The following SLC11A2 variants were observed in gnomAD, a reference collection of about 807,000 sequenced individuals.
SLC11A2 encodes the protein solute carrier family 11 member 2, also known as natural resistance-associated macrophage protein 2.
A neutral mutation model predicts 68.0 loss-of-function variants in SLC11A2; 38 were observed. The ratio of observed to expected loss-of-function variants is 0.56; its 90% CI spans 0.43 to 0.73. The LOEUF (loss-of-function observed/expected upper bound fraction) is 0.73. Among genes scored for constraint, SLC11A2 ranks in the 30% least tolerant of loss-of-function variants. SLC11A2 has a pLI of 0.00. For synonymous variants in SLC11A2, 242 were observed against 250.6 expected (o/e 0.97, Z 0.32); for missense variants, 517 against 690.5 (o/e 0.75, Z 2.82).
chr12:51,013,726 G>A (rs1460954085), intron 1 of SLC11A2, among the ~76,000 whole-genome samples: 1 of 151,854 alleles, frequency 6.6e-6, no homozygotes, highest in Non-Finnish European at 1.5e-5. Context: ...GTGACACAGC[G>A]AGGCCTTGTC....
chr12:51,011,255 A>G (rs11169670), intron 1 of SLC11A2, among the ~76,000 whole-genome samples: 22,313 of 151,362 alleles, frequency 0.15, 1,857 homozygotes, highest in South Asian at 0.26. Flanking sequence ...CAGCCTCCCG[A>G]GTAGCTGGGA....
At chr12:51,024,830 C>G (rs1199049553) in intron 1 of SLC11A2, 1 of 152,134 alleles carries the variant, frequency 6.6e-6, no homozygotes, top group African/African-American at 2.4e-5. Context: ...CATTCCTTAA[C>G]AAGAAGTGCT....
At chr12:50,966,005 A>G in the SLC11A2 span, among the ~76,000 whole-genome samples, 31 of 152,312 alleles carry the variant, frequency 2.0e-4, no homozygotes, top group African/African-American at 6.3e-4. Flanking sequence ...GCTTCTGCCC[A>G]TAAGTTTCAG....
intron 1 of SLC11A2, among the ~76,000 whole-genome samples, chr12:51,020,170 A>G (rs1438858195): frequency 6.6e-6 from 1 of 151,340 alleles, no homozygotes; most frequent in Non-Finnish European, 1.5e-5. Context: ...CTCCCACCTC[A>G]GCCTCCCAAG....
At chr12:51,015,925 C>T (rs1204369173) in intron 1 of SLC11A2, among the ~76,000 whole-genome samples, 1 of 152,170 alleles carries the variant, frequency 6.6e-6, no homozygotes, top group Non-Finnish European at 1.5e-5. Flanking sequence ...GCTGGGATTA[C>T]AGGCGCATGC....
chr12:50,998,879 T>C (rs918023586), intron 8 of SLC11A2, among the ~76,000 whole-genome samples: 2 of 152,138 alleles, frequency 1.3e-5, no homozygotes, highest in Non-Finnish European at 2.9e-5. Context: ...ATTAACACTA[T>C]CCATGGCTGT....
At chr12:50,968,403 G>C in the SLC11A2 span, among the ~76,000 whole-genome samples, 1 of 151,878 alleles carries the variant, frequency 6.6e-6, no homozygotes, top group Admixed American at 6.6e-5. Flanking sequence ...GTGTGTGTGG[G>C]GGGAGACAGG....
At chr12:50,969,003 T>C in the SLC11A2 span, among the ~76,000 whole-genome samples, 30 of 151,992 alleles carry the variant, frequency 2.0e-4, no homozygotes, top group Admixed American at 2.0e-3. Context: ...TATAAATAAA[T>C]GCACAGTTTA....
downstream of SLC11A2, among the ~76,000 whole-genome samples, chr12:50,982,368 G>C (rs1257651184): frequency 1.3e-5 from 2 of 152,208 alleles, no homozygotes; most frequent in East Asian, 3.9e-4. Flanking sequence ...GCTCACGCCT[G>C]TAAACCCAGC....
At chr12:51,020,867 G>T (rs937974263) in intron 1 of SLC11A2, among the ~76,000 whole-genome samples, 3 of 152,158 alleles carry the variant, frequency 2.0e-5, no homozygotes, top group African/African-American at 7.2e-5. Flanking sequence ...ACTTTGGGAG[G>T]CTGAGGCAGC....
At chr12:50,968,877 C>T in the SLC11A2 span, among the ~76,000 whole-genome samples, 2 of 151,730 alleles carry the variant, frequency 1.3e-5, no homozygotes, top group Non-Finnish European at 2.9e-5. Flanking sequence ...ATGGGTCTCG[C>T]TATTTTGACT....
chr12:50,972,312 C>A, the SLC11A2 span, among the ~76,000 whole-genome samples: 1 of 152,058 alleles, frequency 6.6e-6, no homozygotes, highest in African/African-American at 2.4e-5. Flanking sequence ...TCTGAGAAAG[C>A]TAAAGTAATA....
chr12:50,993,519 C>T (rs1941389901), intron 11 of SLC11A2, among the ~76,000 whole-genome samples: 1 of 151,978 alleles, frequency 6.6e-6, no homozygotes, highest in Middle Eastern at 3.4e-3. Flanking sequence ...ATGGCAAATA[C>T]CCTGACTCTA....
Position 50,987,940 on chromosome 12 carries a change from T to G in SLC11A2, c.*385A>C, listed in dbSNP as rs1940758794. 7.8e-7 allele frequency: 1 copy of G among 1,282,774 alleles called. No homozygotes were observed. The highest frequency in any genetic ancestry group is 1.0e-6 in the Non-Finnish European group (1 of 985,536). The allele number at this position is 1,282,774 out of a possible 1,614,324, so 79.5% of individuals were successfully genotyped here. ...TGATAAATAAAACTTGCATACTCATTCTGTAGTTTGTATAATAAAAAATGT... is the reference window on the plus strand; with the variant it reads ...TGATAAATAAAACTTGCATACTCATGCTGTAGTTTGTATAATAAAAAATGT... On this transcript the variant is annotated 3_prime_UTR_variant, in exon 16 of 16. Transcript: ENST00000262052.
At chr12:51,020,860 T>C (rs1392744651) in intron 1 of SLC11A2, among the ~76,000 whole-genome samples, 1 of 152,152 alleles carries the variant, frequency 6.6e-6, no homozygotes, top group Non-Finnish European at 1.5e-5. Context: ...TCCCAGCACT[T>C]TGGGAGGCTG....
chr12:51,000,513 A>C, intron 5 of SLC11A2, 94 bp from the exon 6 acceptor site: 1 of 915,886 alleles, frequency 1.1e-6, no homozygotes, highest in Non-Finnish European at 1.8e-6. Flanking sequence ...ACTAAACCAT[A>C]AACAGTCCTT....
At chr12:50,994,718 A>G in intron 10 of SLC11A2, 88 bp from the exon 11 acceptor site, 1 of 802,552 alleles carries the variant, frequency 1.2e-6, no homozygotes, top group Non-Finnish European at 2.2e-6. Flanking sequence ...ACAATCATCT[A>G]TAAGAGGTAG....
chr12:51,006,455 C>T (rs532494621), intron 3 of SLC11A2, among the ~76,000 whole-genome samples: 8 of 152,164 alleles, frequency 5.3e-5, no homozygotes, highest in Non-Finnish European at 8.8e-5. Flanking sequence ...TATTTTACTC[C>T]AAGATATATT....
At chr12:50,973,221 C>A in the SLC11A2 span, among the ~76,000 whole-genome samples, 1 of 152,176 alleles carries the variant, frequency 6.6e-6, no homozygotes, top group Non-Finnish European at 1.5e-5. Context: ...CCCCAAGTAG[C>A]CTAACTGGGA....
Sources: gnomAD v4.1 joint callset for allele counts (sites outside exome capture counted in the v4.1 genomes callset) on GRCh38, gnomAD v4.1.1 for gene constraint, MANE v1.5 for transcripts, NCBI Gene and HGNC (gene_info 2026-07-23, HGNC 2026-07-21) for gene names.